LAMA4: variants seen among roughly 807,000 people sequenced by gnomAD.
The protein encoded by LAMA4 is laminin subunit alpha-4.
In LAMA4, 127 loss-of-function variants were observed where a neutral mutation model predicts 207.1. The observed-to-expected ratio is 0.61, with a 90% CI of 0.53 to 0.71. LAMA4 has a LOEUF of 0.71. Among genes scored for constraint, LAMA4 ranks in the 30% least tolerant of loss-of-function variants. The probability of loss-of-function intolerance (pLI) is 0.00; values close to 1 mark genes in which losing one functional copy is unlikely to be tolerated. For synonymous variants in LAMA4, 761 were observed against 816.0 expected (o/e 0.93, Z 1.15); for missense variants, 2,093 against 2,246.5 (o/e 0.93, Z 1.38).
At chr6:112,166,978 C>G (rs1319372791) in intron 12 of LAMA4, among the ~76,000 whole-genome samples, 1 of 152,138 alleles carries the variant, frequency 6.6e-6, no homozygotes, top group South Asian at 2.1e-4. Context: ...AATCCCTAAA[C>G]AGTGCTTTTG....
At chr6:112,229,916 A>G (rs1785447468) in intron 2 of LAMA4, among the ~76,000 whole-genome samples, 1 of 152,218 alleles carries the variant, frequency 6.6e-6, no homozygotes, top group Admixed American at 6.5e-5. Context: ...TCTCAATACA[A>G]TTGTAGTGAA....
chr6:112,238,339 G>A (rs893065803), intron 2 of LAMA4, among the ~76,000 whole-genome samples: 16 of 152,124 alleles, frequency 1.1e-4, no homozygotes, highest in African/African-American at 3.1e-4. Flanking sequence ...CTGATCAATC[G>A]AGTGTCCCTG....
chr6:112,140,694 T>A lies in LAMA4; in HGVS notation c.2976+66A>T. 2 of 1,475,718 alleles carry A rather than the reference T, an allele frequency of 1.4e-6. 1 individual carries two copies. 91.4% of individuals were successfully genotyped at this position (1,475,718 alleles called of 1,614,324 possible). A position where few individuals can be genotyped will look rare whatever the true frequency, so the allele number is the denominator to read the frequency against. The stretch of plus-strand genomic sequence containing the variant: ...TCAGCAACCCCCAAGTCATTATAGG[T>A]TTATGGATTTATAAAAACAATTACT... On this transcript the variant is annotated intron_variant, in intron 22 of 38. Transcript: ENST00000230538.
intron 2 of LAMA4, among the ~76,000 whole-genome samples, chr6:112,247,496 C>T (rs1308239279): frequency 6.6e-6 from 1 of 152,204 alleles, no homozygotes; most frequent in Non-Finnish European, 1.5e-5. Context: ...AATCCAAATT[C>T]TGTCTTCTTT....
chr6:112,170,872 A>T (rs782724401), intron 12 of LAMA4, among the ~76,000 whole-genome samples: 1 of 152,214 alleles, frequency 6.6e-6, no homozygotes, highest in Non-Finnish European at 1.5e-5. Flanking sequence ...CTTAAAGGAT[A>T]AGTGAGGTTA....
Position 112,129,040 on chromosome 6 carries a change from C to T in LAMA4, c.4169G>A (p.Arg1390Gln), listed in dbSNP as rs200468893. The change falls in exon 31 of 39, where the codon CGG (arginine) becomes CAG (glutamine). Residue 1390 changes from arginine to glutamine, a missense_variant. Arg to Gln is a conservative substitution (Grantham distance 43). Around this residue, in one of 3 missense-constraint regions of LAMA4, gnomAD observed 1,704 missense variants for 1,788.4 expected, o/e 0.95. Transcript: ENST00000230538. ...DRDVEVEDFQ[R>Q]YTEKVHTSLY... The stretch of plus-strand genomic sequence containing the variant: ...AGAAGTGTGGACCTTTTCAGTATAC[C>T]GTTGGAAATCTTCAACCTCCACATC... The T allele has an allele frequency of 2.2e-5, 35 of 1,612,474 alleles. No individual in the cohort carries two copies. The highest frequency in any genetic ancestry group is 2.2e-5 in the Non-Finnish European group (26 of 1,178,728).
intron 24 of LAMA4, among the ~76,000 whole-genome samples, 156 bp from the exon 25 acceptor site, chr6:112,136,410 G>T (rs562889045): frequency 6.6e-6 from 1 of 152,318 alleles, no homozygotes; most frequent in East Asian, 1.9e-4. Context: ...AAGTGACAGT[G>T]TCTGGGAGTG....
At chr6:112,176,151 T>C (rs1232060034) in intron 10 of LAMA4, among the ~76,000 whole-genome samples, 1 of 152,194 alleles carries the variant, frequency 6.6e-6, no homozygotes, top group Non-Finnish European at 1.5e-5. Flanking sequence ...CTCTAGGTCA[T>C]TTTCACCCCA....
At chr6:112,152,327 A>G (rs1554335935) in intron 16 of LAMA4, among the ~76,000 whole-genome samples, 2 of 152,140 alleles carry the variant, frequency 1.3e-5, no homozygotes, top group African/African-American at 4.8e-5. Flanking sequence ...TTTATTATAC[A>G]TATGTATGTA....
chr6:112,182,157 G>A lies in LAMA4; in HGVS notation c.1077+3080C>T, dbSNP rs537735042. On this transcript the variant is annotated intron_variant, in intron 9 of 38. Coordinates refer to ENST00000230538, the MANE Select transcript of LAMA4 (RefSeq NM_001105206.3). Reference sequence around the variant, plus strand: ...ATATTATATACAGATGTTCAATAATGCTTCTGGAATAGAAATGTAAACAGT... The same window carrying A: ...ATATTATATACAGATGTTCAATAATACTTCTGGAATAGAAATGTAAACAGT... 2.9e-3 allele frequency among the ~76,000 whole-genome samples: 440 copies of A among 151,828 alleles called. 3 individuals are homozygous for A. Among genetic ancestry groups the A allele is most frequent in the African/African-American group, 0.01 (417 of 41,388 alleles).
intron 19 of LAMA4, among the ~76,000 whole-genome samples, 162 bp from the exon 20 acceptor site, chr6:112,142,454 G>T (rs1779759769): frequency 6.6e-6 from 1 of 151,920 alleles, no homozygotes; most frequent in South Asian, 2.1e-4. Flanking sequence ...ACTTAGGGCA[G>T]ATTGTGACAC....
At chr6:112,172,392 G>A (rs192092475) in intron 12 of LAMA4, 14 of 550,222 alleles carry the variant, frequency 2.5e-5, no homozygotes, top group Admixed American at 1.4e-4. Context: ...GAACTACTGC[G>A]TTCTTATCAA....
intron 4 of LAMA4, among the ~76,000 whole-genome samples, chr6:112,203,782 C>T (rs1457032354): frequency 6.7e-6 from 1 of 150,236 alleles, no homozygotes; most frequent in Admixed American, 6.6e-5. Flanking sequence ...AGGTGACACA[C>T]TTTTTACTTC....
chr6:112,143,140 T>C (rs1554333726), intron 19 of LAMA4, among the ~76,000 whole-genome samples: 8 of 152,192 alleles, frequency 5.3e-5, no homozygotes, highest in Non-Finnish European at 1.5e-5. Context: ...GTCATTTATC[T>C]GAATCTTTCC....
intron 6 of LAMA4, among the ~76,000 whole-genome samples, chr6:112,190,158 CTTCCAAGAGTGACCTGCATCT>C (rs1782931452): frequency 6.6e-6 from 1 of 152,212 alleles, no homozygotes; most frequent in African/African-American, 2.4e-5. Context: ...ATTAGCTTCT[CTTCCAAGAGTGACCTGCATCT>C]TTATAGTTTA....
Position 112,133,621 on chromosome 6 carries a change from T to C in LAMA4, c.3558-134A>G, listed in dbSNP as rs1779171466. 2.7e-6 allele frequency: 3 copies of C among 1,119,112 alleles called. No individual in the cohort carries two copies. In the Admixed American group the frequency reaches 5.3e-5, roughly 20 times the overall value. The allele number at this position is 1,119,112 out of a possible 1,614,324, so 69.3% of individuals were successfully genotyped here. ...ATCATTCATATTCTCATGCTTTCTT[T>C]GATAGGCACACAGCAATGTCTAATC... is the stretch of plus-strand genomic sequence containing the variant. On this transcript the variant is annotated intron_variant, in intron 26 of 38. Coordinates refer to ENST00000230538, the MANE Select transcript of LAMA4 (RefSeq NM_001105206.3).
intron 4 of LAMA4, among the ~76,000 whole-genome samples, chr6:112,206,104 C>T (rs1784043393): frequency 1.3e-5 from 2 of 152,200 alleles, no homozygotes; most frequent in African/African-American, 4.8e-5. Flanking sequence ...ATAAGCATAG[C>T]ACTTTTCTAA....
At chr6:112,122,252 AAGTAATT>A in intron 31 of LAMA4, 51 bp from the exon 32 acceptor site, 1 of 1,395,798 alleles carries the variant, frequency 7.2e-7, no homozygotes, top group Non-Finnish European at 1.0e-6. Context: ...TAGCAGCAAA[AAGTAATT>A]TGTGATGTCC....
intron 2 of LAMA4, among the ~76,000 whole-genome samples, chr6:112,231,442 T>C (rs73764720): frequency 0.028 from 4,278 of 152,310 alleles, 192 homozygotes; most frequent in African/African-American, 0.096. Context: ...TTATTCTCAA[T>C]TTAAATACAA....
Sources: gnomAD v4.1 joint callset for allele counts (sites outside exome capture counted in the v4.1 genomes callset) on GRCh38, gnomAD v4.1.1 for gene constraint, gnomAD v4.1.1 regional missense constraint, MANE v1.5 for transcripts, NCBI Gene and HGNC (gene_info 2026-07-23, HGNC 2026-07-21) for gene names.